Variants in CMYA5 observed in about 807,000 individuals in gnomAD.
CMYA5 encodes cardiomyopathy-associated protein 5.
CMYA5 carries 246 observed loss-of-function variants against 318.9 expected under a neutral mutation model. That is an observed-to-expected ratio of 0.77 (90% CI 0.70 to 0.86). CMYA5 has a LOEUF of 0.86. Among genes scored for constraint, CMYA5 ranks in the 40% least tolerant of loss-of-function variants. The pLI, the probability that CMYA5 is intolerant of heterozygous loss-of-function variation, is 0.00. For missense variants in CMYA5, 4,589 were observed against 4,678.2 expected (o/e 0.98, Z 0.56); for synonymous variants, 1,641 against 1,729.5 (o/e 0.95, Z 1.27).
intron 7 of CMYA5, among the ~76,000 whole-genome samples, chr5:79,761,596 G>T (rs1451301595): frequency 6.6e-6 from 1 of 152,190 alleles, no homozygotes; most frequent in East Asian, 1.9e-4. Flanking sequence ...TCTGAGAAGT[G>T]TTAACAAGTA....
chr5:79,778,057 G>A (rs1257229986), intron 9 of CMYA5: 3 of 152,198 alleles, frequency 2.0e-5, no homozygotes, highest in Non-Finnish European at 4.4e-5. Context: ...GTGGGGCAGA[G>A]GTTGCAATGA....
At chr5:79,713,738 A>T (rs1827458381) in intron 1 of CMYA5, among the ~76,000 whole-genome samples, 1 of 152,164 alleles carries the variant, frequency 6.6e-6, no homozygotes, top group African/African-American at 2.4e-5. Flanking sequence ...TCGATGGGTC[A>T]TGTTAACACC....
chr5:79,720,478 C>T (rs1580758287), intron 1 of CMYA5, among the ~76,000 whole-genome samples: 1 of 139,238 alleles, frequency 7.2e-6, no homozygotes, highest in South Asian at 2.2e-4. Flanking sequence ...CTCTTGTTGC[C>T]CAGGCTGGAG....
At chr5:79,790,949 C>G (rs1309671334) in intron 10 of CMYA5, 21 bp from the exon 11 acceptor site, 7 of 1,549,406 alleles carry the variant, frequency 4.5e-6, no homozygotes, top group Non-Finnish European at 6.2e-6. Flanking sequence ...TGTTTTAATA[C>G]TATTTTCTCA....
intron 10 of CMYA5, among the ~76,000 whole-genome samples, chr5:79,790,517 C>T (rs957076898): frequency 6.6e-6 from 1 of 152,202 alleles, no homozygotes. Flanking sequence ...GATCTGCCCA[C>T]CTTGGCCTCC....
In CMYA5 at chr5:79,732,261, C is replaced by G; in HGVS notation, c.3496C>G (p.Pro1166Ala). 1 of 1,613,898 alleles carries G rather than the reference C, an allele frequency of 6.2e-7. No homozygotes were observed. The highest frequency in any genetic ancestry group is 8.5e-7 in the Non-Finnish European group (1 of 1,179,854). ...QSSIVKEETK[P>A]ASPHSVLPDS... ...ATCTATAGTAAAGGAAGAAACCAAA[C>G]CTGCATCTCCACATTCAGTTTTACC... The change falls in exon 2 of 13, where the codon CCT becomes GCT. Residue 1166 changes from proline to alanine, a missense_variant. Physicochemically the swap from Pro to Ala is conservative, Grantham distance 27. Transcript: ENST00000446378.
At chr5:79,723,486 C>T (rs1264593040) in intron 1 of CMYA5, among the ~76,000 whole-genome samples, 1 of 146,660 alleles carries the variant, frequency 6.8e-6, no homozygotes, top group Non-Finnish European at 1.5e-5. Flanking sequence ...TACAGGCTGG[C>T]CATGGTGGCT....
chr5:79,786,485 C>T (rs1423677432), intron 9 of CMYA5, among the ~76,000 whole-genome samples: 2 of 152,198 alleles, frequency 1.3e-5, no homozygotes, highest in African/African-American at 4.8e-5. Flanking sequence ...TACCAACAAT[C>T]GTGGCCTCAT....
intron 1 of CMYA5, among the ~76,000 whole-genome samples, chr5:79,711,075 A>G (rs975705756): frequency 3.3e-5 from 5 of 152,236 alleles, no homozygotes; most frequent in African/African-American, 1.2e-4. Context: ...TCAAAAGGCT[A>G]CTAGCAAGTT....
rs775361305 is a variant in CMYA5, at chr5:79,730,850, A to G, written c.2085A>G (p.Thr695=). The change falls in exon 2 of 13, where the codon ACA becomes ACG. Residue 695 remains threonine, a synonymous_variant. Transcript: ENST00000446378. ...GTGGGTGTTACACACCAGACTCCAC[A>G]TCTGCTTCTGAATATTCAGTTCCAT... The part of the protein sequence containing the change: ...SESGCYTPDS[T]SASEYSVPSL... 1 of 1,613,988 alleles carries G rather than the reference A, an allele frequency of 6.2e-7. No homozygotes were observed. Among genetic ancestry groups the G allele is most frequent in the East Asian group, 2.2e-5 (1 of 44,888 alleles).
Position 79,729,726 on chromosome 5 carries a change from G to A in CMYA5, c.961G>A (p.Glu321Lys). Residue 321 changes from glutamate to lysine, a missense_variant, in exon 2 of 13, where the codon GAA becomes AAA. Physicochemically the swap from Glu to Lys is moderately conservative, Grantham distance 56 (BLOSUM62 1). Transcript: ENST00000446378. ...SESLTLMFSH[E>K]DQKKIYADSP... ...GTCCCTAACCTTAATGTTCAGTCAT[G>A]AAGATCAAAAGAAAATTTATGCTGA... The A allele has an allele frequency of 6.2e-7, 1 of 1,613,924 alleles. No homozygotes were observed. The highest frequency in any genetic ancestry group is 8.5e-7 in the Non-Finnish European group (1 of 1,179,880).
intron 1 of CMYA5, among the ~76,000 whole-genome samples, chr5:79,713,132 A>G (rs1167449722): frequency 6.6e-6 from 1 of 151,726 alleles, no homozygotes; most frequent in Non-Finnish European, 1.5e-5. Context: ...GTCTTTTCTC[A>G]CTCTTGAGTC....
Position 79,738,778 on chromosome 5 carries a change from A to G in CMYA5, c.10013A>G (p.Tyr3338Cys). The change falls in exon 2 of 13, where the codon TAT (tyrosine) becomes TGT (cysteine). Residue 3338 changes from tyrosine (Y) to cysteine (C), a missense_variant. Physicochemically the swap from Tyr to Cys is radical, Grantham distance 194. Transcript: ENST00000446378. ...DVRVATQKISYAVPFEDTHHV... is the reference protein window; with the variant it reads ...DVRVATQKISCAVPFEDTHHV... ...AGAGTGGCTACCCAGAAAATAAGTTATGCGGTTCCATTTGAAGACACCCAT... is the reference window on the plus strand; with the variant it reads ...AGAGTGGCTACCCAGAAAATAAGTTGTGCGGTTCCATTTGAAGACACCCAT... The G allele has an allele frequency of 6.2e-7, 1 of 1,613,900 alleles. No homozygotes were observed. Among genetic ancestry groups the G allele is most frequent in the East Asian group, 2.2e-5 (1 of 44,876 alleles).
chr5:79,725,557 A>C (rs1267045066), intron 1 of CMYA5, among the ~76,000 whole-genome samples: 1 of 152,232 alleles, frequency 6.6e-6, no homozygotes, highest in Non-Finnish European at 1.5e-5. Flanking sequence ...CAAACTCAGC[A>C]TCAAACAGTA....
intron 9 of CMYA5, among the ~76,000 whole-genome samples, chr5:79,787,328 A>C (rs1442678693): frequency 1.3e-5 from 2 of 152,228 alleles, no homozygotes; most frequent in African/African-American, 4.8e-5. Flanking sequence ...TCTGAAATTC[A>C]GTTCAGGCTG....
chr5:79,798,385 C>T (rs980399671), intron 12 of CMYA5, among the ~76,000 whole-genome samples: 7 of 152,094 alleles, frequency 4.6e-5, no homozygotes, highest in African/African-American at 1.4e-4. Context: ...CCACTCCTTC[C>T]GCTACTTTCA....
At chr5:79,785,742 G>C (rs1829071726) in intron 9 of CMYA5, among the ~76,000 whole-genome samples, 1 of 151,988 alleles carries the variant, frequency 6.6e-6, no homozygotes, top group Non-Finnish European at 1.5e-5. Flanking sequence ...CTCCCTCCCA[G>C]TGTTTTTAAC....
intron 9 of CMYA5, among the ~76,000 whole-genome samples, chr5:79,786,955 T>C (rs1029494437): frequency 2.6e-5 from 4 of 152,246 alleles, no homozygotes; most frequent in Non-Finnish European, 2.9e-5. Flanking sequence ...TTTCATGCAC[T>C]GAAAGCAGGA....
At chr5:79,722,162 A>G (rs1442982027) in intron 1 of CMYA5, among the ~76,000 whole-genome samples, 1 of 152,246 alleles carries the variant, frequency 6.6e-6, no homozygotes, top group Non-Finnish European at 1.5e-5. Flanking sequence ...AAAGATAACT[A>G]GGAAATCCTC....
Sources: gnomAD v4.1 joint callset for allele counts (sites outside exome capture counted in the v4.1 genomes callset) on GRCh38, gnomAD v4.1.1 for gene constraint, MANE v1.5 for transcripts, NCBI Gene and HGNC (gene_info 2026-07-23, HGNC 2026-07-21) for gene names.